BRPF3: variants seen among roughly 807,000 people sequenced by gnomAD.
The protein encoded by BRPF3 is bromodomain and PHD finger containing 3, also known as bromodomain and PHD finger-containing protein 3.
In BRPF3, 18 loss-of-function variants were observed where a neutral mutation model predicts 102.0. The observed-to-expected ratio is 0.18, with a 90% confidence interval of 0.12 to 0.26. The LOEUF (loss-of-function observed/expected upper bound fraction) is 0.26, where lower values mean the gene tolerates loss of function less well. Ranked by LOEUF, BRPF3 falls within the 10% of genes least tolerant of loss-of-function variation. BRPF3 has a pLI of 1.00. For missense variants in BRPF3, 1,147 were observed against 1,567.8 expected (o/e 0.73, Z 4.53); for synonymous variants, 570 against 614.2 (o/e 0.93, Z 1.06).
chr6:36,227,845 T>G (rs1768797150), intron 11 of BRPF3, among the ~76,000 whole-genome samples: 1 of 152,192 alleles, frequency 6.6e-6, no homozygotes, highest in Non-Finnish European at 1.5e-5. Flanking sequence ...TTTCAGCTGC[T>G]TATCTTGAGA....
rs1201590027 is a variant in BRPF3, at chr6:36,200,200, G to A, written c.-26-97G>A. 7.2e-7 allele frequency: 1 copy of A among 1,397,474 alleles called. No homozygotes were observed. Among genetic ancestry groups the A allele is most frequent in the African/African-American group, 1.5e-5 (1 of 68,856 alleles). The allele number at this position is 1,397,474 out of a possible 1,614,324, so 86.6% of individuals were successfully genotyped here. ...GAGGGGCAAGTTGTTCAGACAGAGG[G>A]AAAAGCCAGTCCTCTTGGTGGATGC... On this transcript the variant is annotated intron_variant, in intron 1 of 12. Coordinates refer to ENST00000357641, the MANE Select transcript of BRPF3 (RefSeq NM_015695.3). This position sits in a 1 kb window ranked among gnomAD's most constrained non-coding sequence, Gnocchi z 5.3.
At position 36,231,604 on chromosome 6, in the gene BRPF3, GT is replaced by G. The variant is rs1768942945; in HGVS notation, c.*996del. The G allele has an allele frequency of 2.6e-5, 4 of 152,710 alleles. No individual in the cohort carries two copies. Among genetic ancestry groups the G allele is most frequent in the African/African-American group, 9.6e-5 (4 of 41,522 alleles). 9.5% of individuals were successfully genotyped at this position (152,710 alleles called of 1,614,324 possible). A position where few individuals can be genotyped will look rare whatever the true frequency, so the allele number is the denominator to read the frequency against. ...CTCATGGACTTTTTCTGCAATTGCA[GT>G]CTTAAGCTTCACTCTCCACCACCTG... On this transcript the variant is annotated 3_prime_UTR_variant, in exon 13 of 13. Coordinates refer to ENST00000357641, the MANE Select transcript of BRPF3 (RefSeq NM_015695.3).
At position 36,222,187 on chromosome 6, in the gene BRPF3, C is replaced by T. The variant is rs1429492751; in HGVS notation, c.3103C>T (p.Arg1035Cys). 15 of 1,550,420 alleles carry T rather than the reference C, an allele frequency of 9.7e-6. No homozygotes were observed. The highest frequency in any genetic ancestry group is 2.0e-5 in the Admixed American group (1 of 51,056). ...GTGCAGTGGTCTGACGCCCCCCAAA[C>T]GCAGCCGTGGGAAGCCAGCCCTGTC... ...EACSGLTPPK[R>C]SRGKPALSRV... is the part of the protein sequence containing the mutation. Residue 1035 changes from arginine to cysteine, a missense_variant, in exon 10 of 13, where the codon CGC becomes TGC. Arg to Cys is a radical substitution (Grantham distance 180). Transcript: ENST00000357641.
chr6:36,225,004 A>G (rs1044123235), intron 10 of BRPF3, among the ~76,000 whole-genome samples: 3 of 152,242 alleles, frequency 2.0e-5, no homozygotes, highest in Non-Finnish European at 4.4e-5. Context: ...TCATGCTATA[A>G]CAACAGCAGT....
chr6:36,198,216 G>GT (rs1174411272), intron 1 of BRPF3, among the ~76,000 whole-genome samples: 1 of 152,162 alleles, frequency 6.6e-6, no homozygotes, highest in African/African-American at 2.4e-5. Context: ...AGCCAAATTG[G>GT]TTTTTTGTTT....
At chr6:36,227,187 A>G (rs1768770286) in intron 11 of BRPF3, among the ~76,000 whole-genome samples, 2 of 152,016 alleles carry the variant, frequency 1.3e-5, no homozygotes, top group South Asian at 4.1e-4. Context: ...TAAAGTTTTT[A>G]ATTTTTTCTG....
intron 9 of BRPF3, among the ~76,000 whole-genome samples, chr6:36,219,773 A>G (rs535576518): frequency 3.3e-5 from 5 of 152,348 alleles, no homozygotes; most frequent in African/African-American, 1.2e-4. Context: ...TAATAAGTAT[A>G]TAAGGGAAGA....
chr6:36,209,835 G>T lies in BRPF3; in HGVS notation c.1786G>T (p.Val596Phe). ...GGAGCTGGAGCTGATGCCATTCAAT[G>T]TTCTGTTGAGGACAACACTGGACCT... The part of the protein sequence containing the change: ...AMELELMPFN[V>F]LLRTTLDLLQ... The change falls in exon 5 of 13, where the codon GTT becomes TTT. Residue 596 changes from valine (V) to phenylalanine (F), a missense_variant. By Grantham distance (50) the Val-to-Phe change is conservative (BLOSUM62 -1). This residue lies in a region of BRPF3 where 44 missense variants were observed against 38.6 expected (regional missense o/e 1.14). Coordinates refer to ENST00000357641, the MANE Select transcript of BRPF3 (RefSeq NM_015695.3). The T allele has an allele frequency of 6.2e-7, 1 of 1,614,218 alleles. No individual in the cohort carries two copies. Among genetic ancestry groups the T allele is most frequent in the Middle Eastern group, 1.6e-4 (1 of 6,062 alleles).
At chr6:36,225,390 C>G in intron 11 of BRPF3, 26 bp downstream of exon 11, 1 of 1,588,912 alleles carries the variant, frequency 6.3e-7, no homozygotes, top group Non-Finnish European at 8.6e-7. Context: ...ACGCCACCCT[C>G]CTATCTCCCC....
At position 36,228,436 on chromosome 6, in the gene BRPF3, AC is replaced by A. The variant is rs144802904; in HGVS notation, c.3280-460del. Among the ~76,000 whole-genome samples, 286 of 151,710 alleles carry A rather than the reference AC, an allele frequency of 1.9e-3. 2 individuals carry two copies. Among genetic ancestry groups the A allele is most frequent in the Non-Finnish European group, 3.7e-3 (254 of 67,888 alleles). Reference sequence around the variant, plus strand: ...TGGCCCTTGTTTCCACCCACATCATACCCCCCTCTCCATCAACCTCCAAGCT... The same window carrying A: ...TGGCCCTTGTTTCCACCCACATCATACCCCCTCTCCATCAACCTCCAAGCT... On this transcript the variant is annotated intron_variant, in intron 11 of 12. Coordinates refer to ENST00000357641, the MANE Select transcript of BRPF3 (RefSeq NM_015695.3).
intron 3 of BRPF3, 132 bp from the exon 4 acceptor site, chr6:36,207,181 G>A (rs760584184): frequency 1.6e-4 from 187 of 1,170,000 alleles, no homozygotes; most frequent in Non-Finnish European, 2.1e-4. Context: ...AGAGAGGGGT[G>A]GAAGGGCTCT....
intron 9 of BRPF3, among the ~76,000 whole-genome samples, chr6:36,218,606 C>G (rs770456616): frequency 6.6e-6 from 1 of 151,992 alleles, no homozygotes; most frequent in Non-Finnish European, 1.5e-5. Context: ...AGTATAGGCA[C>G]GTGCCACCAC....
chr6:36,204,757 T>C lies in BRPF3; in HGVS notation c.1548T>C (p.Gly516=), dbSNP rs1431906892. The change falls in exon 3 of 13, where the codon GGT becomes GGC. Residue 516 remains glycine (G), a synonymous_variant. Transcript: ENST00000357641. ...TGTTGAAGCGGCAGGCACGGAATGGTGTCCCTCTTATCCGGCGCTTGCACT... is the reference window on the plus strand; with the variant it reads ...TGTTGAAGCGGCAGGCACGGAATGGCGTCCCTCTTATCCGGCGCTTGCACT... ...YWLLKRQARN[G]VPLIRRLHSH... The C allele has an allele frequency of 4.3e-6, 7 of 1,614,072 alleles. No homozygotes were observed. The highest frequency in any genetic ancestry group is 1.3e-5 in the African/African-American group (1 of 74,912).
chr6:36,223,795 A>C (rs560503211), intron 10 of BRPF3, among the ~76,000 whole-genome samples: 1 of 152,204 alleles, frequency 6.6e-6, no homozygotes, highest in African/African-American at 2.4e-5. Flanking sequence ...AAATCCTTTT[A>C]TTCATCTTTA....
chr6:36,216,969 A>G (rs1308649833), intron 8 of BRPF3, among the ~76,000 whole-genome samples: 1 of 152,158 alleles, frequency 6.6e-6, no homozygotes, highest in African/African-American at 2.4e-5. Flanking sequence ...AACCCATGCT[A>G]TTGAGGCTCC....
In BRPF3 at chr6:36,210,383, A is replaced by T. The variant is rs778598172; in HGVS notation, c.2034A>T (p.Ala678=). ...CTAAAGACACAATTTTCCACCGAGC[A>T]GCTGTCCGCCTGCGGGACCTGGGAG... ...YNAKDTIFHR[A]AVRLRDLGGA... The change falls in exon 6 of 13, where the codon GCA becomes GCT. Residue 678 remains alanine (A), a synonymous_variant. Coordinates refer to ENST00000357641, the MANE Select transcript of BRPF3 (RefSeq NM_015695.3). This position sits in a 1 kb window ranked among gnomAD's most constrained non-coding sequence, Gnocchi z 4.7. The T allele has an allele frequency of 1.2e-6, 2 of 1,614,252 alleles. No individual in the cohort carries two copies. The highest frequency in any genetic ancestry group is 3.3e-5 in the Admixed American group (2 of 60,036).
At chr6:36,224,650 C>T (rs1323183514) in intron 10 of BRPF3, among the ~76,000 whole-genome samples, 16 of 152,150 alleles carry the variant, frequency 1.1e-4, no homozygotes, top group Non-Finnish European at 1.8e-4. Context: ...ATGAGGACTC[C>T]GCACTCAGGG....
At chr6:36,225,179 C>T (rs1768689371) in intron 10 of BRPF3, 88 bp from the exon 11 acceptor site, 1 of 1,070,808 alleles carries the variant, frequency 9.3e-7, no homozygotes. Flanking sequence ...CCTGGGTTGC[C>T]CCAGTCAAGT....
intron 10 of BRPF3, among the ~76,000 whole-genome samples, chr6:36,223,724 A>G (rs1386570955): frequency 6.6e-6 from 1 of 152,126 alleles, no homozygotes; most frequent in Non-Finnish European, 1.5e-5. Context: ...ATTGTTAGGC[A>G]TTTGGGTTGT....
Sources: gnomAD v4.1 joint callset for allele counts (sites outside exome capture counted in the v4.1 genomes callset) on GRCh38, gnomAD v4.1.1 for gene constraint, gnomAD v4.1.1 regional missense constraint, Gnocchi (gnomAD v3.1) non-coding constraint, MANE v1.5 for transcripts, NCBI Gene and HGNC (gene_info 2026-07-23, HGNC 2026-07-21) for gene names.